The following SMAP2 variants were observed in gnomAD, a reference collection of about 807,000 sequenced individuals.
The protein encoded by SMAP2 is small ArfGAP2, also known as stromal membrane-associated protein 2.
SMAP2 carries 25 observed loss-of-function variants against 56.4 expected under a neutral mutation model. The ratio of observed to expected loss-of-function variants is 0.44; its 90% confidence interval spans 0.32 to 0.62. The LOEUF (loss-of-function observed/expected upper bound fraction) is 0.62, where lower values mean the gene tolerates loss of function less well. Ranked by LOEUF, SMAP2 falls within the 20% of genes least tolerant of loss-of-function variation. The pLI, the probability that SMAP2 is intolerant of heterozygous loss-of-function variation, is 0.04. For synonymous variants in SMAP2, 157 were observed against 181.7 expected, an observed-to-expected ratio of 0.86 and a Z score of 1.09; for missense variants, 388 against 545.6, an observed-to-expected ratio of 0.71 and a Z score of 2.88.
At chr1:40,420,921 G>T (rs209611) in intron 9 of SMAP2, among the ~76,000 whole-genome samples, 6 of 152,158 alleles carry the variant, frequency 3.9e-5, no homozygotes, top group Non-Finnish European at 8.8e-5. Context: ...ATGTACATTA[G>T]AATATGGTGT....
At chr1:40,405,573 C>T (rs16827276) in intron 1 of SMAP2, among the ~76,000 whole-genome samples, 8,248 of 152,302 alleles carry the variant, frequency 0.054, 359 homozygotes, top group East Asian at 0.19. Flanking sequence ...TGCTCGTTGT[C>T]GTTCCAAGCG....
In SMAP2 at chr1:40,374,755, T is replaced by C. The variant is rs1355513320; in HGVS notation, c.103+532T>C. 1.3e-6 allele frequency: 2 copies of C among 1,550,478 alleles called. No homozygotes were observed. The highest frequency in any genetic ancestry group is 1.7e-6 in the Non-Finnish European group (2 of 1,146,998). ...TATTTGGTTAGCAACTCCTGTCATT[T>C]TGCAGCCTTGCTAAGATCTGACAAG... On this transcript the variant is annotated intron_variant, in intron 1 of 9. Coordinates refer to ENST00000372718, the MANE Select transcript of SMAP2 (RefSeq NM_022733.3). This position sits in a 1 kb window ranked among gnomAD's most constrained non-coding sequence, Gnocchi z 5.9.
chr1:40,345,925 A>ATTATATTATG (rs1644384274), intron 1 of SMAP2, among the ~76,000 whole-genome samples: 1 of 124,270 alleles, frequency 8.0e-6, no homozygotes, highest in South Asian at 2.5e-4. Flanking sequence ...ATTATATTAT[A>ATTATATTATG]TTATATTAGA....
At chr1:40,400,766 G>A (rs115839900) in intron 1 of SMAP2, among the ~76,000 whole-genome samples, 448 of 152,288 alleles carry the variant, frequency 2.9e-3, no homozygotes, top group Middle Eastern at 0.01. Context: ...TACATGGAAG[G>A]TTTATATTTA....
intron 1 of SMAP2, among the ~76,000 whole-genome samples, chr1:40,398,151 TCATTATCC>T (rs1644790916): frequency 2.0e-5 from 3 of 152,222 alleles, no homozygotes; most frequent in South Asian, 2.1e-4. Context: ...AATAGATGTT[TCATTATCC>T]CATTATCCCG....
chr1:40,408,865 C>G lies in SMAP2; in HGVS notation c.323+127C>G. On this transcript the variant is annotated intron_variant, in intron 3 of 9. Transcript: ENST00000372718. This position sits in a 1 kb window ranked among gnomAD's most constrained non-coding sequence, Gnocchi z 4.3. ...TGGATTAGTCAGTGTCCTTGCTTGTCCTCTGTCCTGCAATCAAGGTGCACA... is the reference window on the plus strand; with the variant it reads ...TGGATTAGTCAGTGTCCTTGCTTGTGCTCTGTCCTGCAATCAAGGTGCACA... 2 of 698,632 alleles carry G rather than the reference C, an allele frequency of 2.9e-6. No homozygotes were observed. Among genetic ancestry groups the G allele is most frequent in the Non-Finnish European group, 5.0e-6 (2 of 401,724 alleles). 43.3% of individuals were successfully genotyped at this position (698,632 alleles called of 1,614,324 possible). A position where few individuals can be genotyped will look rare whatever the true frequency, so the allele number is the denominator to read the frequency against.
chr1:40,353,533 T>A (rs1167667713), intron 1 of SMAP2, among the ~76,000 whole-genome samples: 1 of 151,968 alleles, frequency 6.6e-6, no homozygotes, highest in Non-Finnish European at 1.5e-5. Flanking sequence ...CATGCCCGGC[T>A]AATTTTTTGT....
chr1:40,380,098 C>T (rs539654079), intron 1 of SMAP2, among the ~76,000 whole-genome samples: 1 of 152,276 alleles, frequency 6.6e-6, no homozygotes, highest in Middle Eastern at 3.4e-3. Flanking sequence ...GCATTATTTA[C>T]TTTTACCATT....
chr1:40,374,071 CTG>C lies in SMAP2; in HGVS notation c.-49_-48del, dbSNP rs1426056393. ...CAACCCCGGACTGAGGCAGGGGTCT[CTG>C]GGGGCGAGGAGGGCGCGTCGCCCTC... is the stretch of plus-strand genomic sequence containing the variant. On this transcript the variant is annotated 5_prime_UTR_variant, in exon 1 of 10. Transcript: ENST00000372718. This position sits in a 1 kb window ranked among gnomAD's most constrained non-coding sequence, Gnocchi z 5.9. 27 of 1,463,074 alleles carry C rather than the reference CTG, an allele frequency of 1.8e-5. No homozygotes were observed. Among genetic ancestry groups the C allele is most frequent in the Non-Finnish European group, 2.5e-5 (26 of 1,056,788 alleles). The allele number at this position is 1,463,074 out of a possible 1,614,324, so 90.6% of individuals were successfully genotyped here. A position where few individuals can be genotyped will look rare whatever the true frequency, so the allele number is the denominator to read the frequency against.
At position 40,411,540 on chromosome 1, in the gene SMAP2, G is replaced by A. The variant is rs543580212; in HGVS notation, c.403-1476G>A. 4.5e-4 allele frequency among the ~76,000 whole-genome samples: 68 copies of A among 152,224 alleles called. 1 individual carries two copies. In the South Asian group the frequency reaches 0.013, roughly 30 times the overall value. On this transcript the variant is annotated intron_variant, in intron 4 of 9. Transcript: ENST00000372718. Reference sequence around the variant, plus strand: ...ACCCATGAAAGCAAGCCCGGTTACCGGATGTTTCTCTTAGGAAGGAAATAA... The same window carrying A: ...ACCCATGAAAGCAAGCCCGGTTACCAGATGTTTCTCTTAGGAAGGAAATAA...
At chr1:40,378,981 C>CTTTT (rs11353360) in intron 1 of SMAP2, among the ~76,000 whole-genome samples, 1 of 134,968 alleles carries the variant, frequency 7.4e-6, no homozygotes, top group African/African-American at 2.7e-5. Flanking sequence ...CTTTTCTTTT[C>CTTTT]TTTTTTTTTT....
chr1:40,385,102 G>A lies in SMAP2; in HGVS notation c.103+10879G>A, dbSNP rs898352436. 2.6e-5 allele frequency among the ~76,000 whole-genome samples: 4 copies of A among 152,204 alleles called. No homozygotes were observed. Among genetic ancestry groups the A allele is most frequent in the East Asian group, 1.9e-4 (1 of 5,180 alleles). ...GCCTCAGCTGTGGCCATCCGTCAGC[G>A]TAAGGTTGCTCTGGTGGTCGTCTTC... On this transcript the variant is annotated intron_variant, in intron 1 of 9. Coordinates refer to ENST00000372718, the MANE Select transcript of SMAP2 (RefSeq NM_022733.3). This position sits in a 1 kb window ranked among gnomAD's most constrained non-coding sequence, Gnocchi z 4.5.
chr1:40,399,310 A>ATTTTTTTT (rs747127620), intron 1 of SMAP2, among the ~76,000 whole-genome samples: 28 of 91,948 alleles, frequency 3.0e-4, no homozygotes, highest in South Asian at 8.4e-4. Context: ...ACGTGTGGCT[A>ATTTTTTTT]TTTTTTTTTT....
chr1:40,346,770 A>G (rs1247164984), intron 1 of SMAP2, among the ~76,000 whole-genome samples: 7 of 152,140 alleles, frequency 4.6e-5, no homozygotes, highest in Admixed American at 4.6e-4. Flanking sequence ...ATGAAAATGC[A>G]TAGTTCCCTG....
chr1:40,406,759 A>T lies in SMAP2; in HGVS notation c.127A>T (p.Ile43Phe). The part of the protein sequence containing the change: ...SKGPRWASWN[I>F]GVFICIRCAG... ...AGGGCCGCGATGGGCCTCTTGGAAC[A>T]TTGGTGTGTTCATCTGCATTCGATG... Residue 43 changes from isoleucine to phenylalanine, a missense_variant, in exon 2 of 10, where the codon ATT becomes TTT. Transcript: ENST00000372718. 2.5e-6 allele frequency: 4 copies of T among 1,613,804 alleles called. No homozygotes were observed. Among genetic ancestry groups the T allele is most frequent in the Non-Finnish European group, 3.4e-6 (4 of 1,179,770 alleles).
chr1:40,399,489 C>T (rs1569885879), intron 1 of SMAP2, among the ~76,000 whole-genome samples: 1 of 146,990 alleles, frequency 6.8e-6, no homozygotes, highest in African/African-American at 2.5e-5. Flanking sequence ...TTCTTTCTTT[C>T]TCTTTTTTTT....
rs184539407 is a variant in SMAP2 at position 40,360,944 on chromosome 1, C to A, written c.-82-1356C>A. Among the ~76,000 whole-genome samples the A allele has an allele frequency of 1.2e-3, 186 of 152,318 alleles. 1 individual carries two copies. Among genetic ancestry groups the A allele is most frequent in the African/African-American group, 4.0e-3 (167 of 41,572 alleles). Reference sequence around the variant, plus strand: ...GCCATGAGGACTGCAATTCTGGGGACAGTCCTGATGCTATGCTGGGCTTGA... The same window carrying A: ...GCCATGAGGACTGCAATTCTGGGGAAAGTCCTGATGCTATGCTGGGCTTGA... On this transcript the variant is annotated intron_variant, in intron 1 of 6. Transcript: ENST00000435168.
chr1:40,372,133 G>C (rs1644499979), upstream of SMAP2, among the ~76,000 whole-genome samples: 2 of 152,310 alleles, frequency 1.3e-5, no homozygotes, highest in Non-Finnish European at 1.5e-5. Flanking sequence ...GCATTTAAAA[G>C]CTCCCTCTAG....
rs927928548 is a variant in SMAP2 at position 40,346,409 on chromosome 1, G to T, written c.-83+1499G>T. On this transcript the variant is annotated intron_variant, in intron 1 of 6. Coordinates refer to the SMAP2 transcript ENST00000435168. ...TTTTGAAACAAAGTCTAGCTTTGTT[G>T]CCCGGACTGGAGTGCAGTGGCATGA... 9.8e-4 allele frequency among the ~76,000 whole-genome samples: 147 copies of T among 150,730 alleles called. 1 individual carries two copies. Among genetic ancestry groups the T allele is most frequent in the African/African-American group, 3.3e-3 (136 of 41,020 alleles).
Sources: allele counts gnomAD v4.1 joint callset (sites outside exome capture counted in the v4.1 genomes callset), GRCh38; gene constraint gnomAD v4.1.1; non-coding constraint Gnocchi (gnomAD v3.1); transcripts MANE v1.5; gene names NCBI Gene and HGNC (gene_info 2026-07-23, HGNC 2026-07-21).